GPR108: variants seen among roughly 807,000 people sequenced by gnomAD.
The protein encoded by GPR108 is protein GPR108.
A neutral mutation model predicts 74.3 loss-of-function variants in GPR108; 60 were observed. That is an observed-to-expected ratio of 0.81 (90% CI 0.66 to 1.00). GPR108 has a LOEUF of 1.00. GPR108 is among the 50% of genes least tolerant of loss of function. The pLI is 0.00. For missense variants in GPR108, 667 were observed against 703.3 expected (o/e 0.95, Z 0.58); for synonymous variants, 311 against 292.4 (o/e 1.06, Z -0.65).
At chr19:6,734,863 T>C (rs1968566872) in intron 4 of GPR108, among the ~76,000 whole-genome samples, 1 of 113,088 alleles carries the variant, frequency 8.8e-6, no homozygotes, top group South Asian at 2.3e-4. Flanking sequence ...TTATTATTAT[T>C]ATTATTATTA....
At chr19:6,730,837 C>G in intron 17 of GPR108, 150 bp downstream of exon 17, 3 of 950,024 alleles carry the variant, frequency 3.2e-6, no homozygotes, top group Non-Finnish European at 4.7e-6. Context: ...CCCCCCATCT[C>G]CCCTCCATCC....
chr19:6,733,694 G>A lies in GPR108; in HGVS notation c.619-20C>T. 3 of 1,609,882 alleles carry A rather than the reference G, an allele frequency of 1.9e-6. No individual in the cohort carries two copies. The highest frequency in any genetic ancestry group is 2.6e-6 in the Non-Finnish European group (3 of 1,176,216). ...GTGGAACTGGGCGGGCGGGGAGAGA[G>A]GAGGGCTCAGCCTGGGGGACCCGTG... On this transcript the variant is annotated intron_variant, in intron 7 of 17. Transcript: ENST00000264080.
intron 4 of GPR108, chr19:6,735,328 G>C (rs898496259): frequency 4.2e-5 from 13 of 308,122 alleles, no homozygotes; most frequent in Non-Finnish European, 1.2e-5. Context: ...ATAAGGAATG[G>C]GTGAGTTAGT....
chr19:6,735,818 A>G, intron 3 of GPR108, 90 bp downstream of exon 3: 1 of 1,529,426 alleles, frequency 6.5e-7, no homozygotes, highest in Admixed American at 1.8e-5. Flanking sequence ...TCTGACAAAG[A>G]ACAGGGGCCC....
chr19:6,732,252 T>G lies in GPR108; in HGVS notation c.1125+11A>C. On this transcript the variant is annotated intron_variant, in intron 12 of 17. Coordinates refer to ENST00000264080, the MANE Select transcript of GPR108 (RefSeq NM_001080452.2). ...CTCCCCGCCCTGCTCCGGAGGCTGC[T>G]CCATCCGCACCTGCATGGGGATCAC... 1 of 1,611,716 alleles carries G rather than the reference T, an allele frequency of 6.2e-7. No homozygotes were observed.
At position 6,733,229 on chromosome 19, in the gene GPR108, C is replaced by T; in HGVS notation, c.796G>A (p.Val266Ile). The T allele has an allele frequency of 1.2e-6, 2 of 1,614,010 alleles. No homozygotes were observed. Among genetic ancestry groups the T allele is most frequent in the Non-Finnish European group, 1.7e-6 (2 of 1,180,014 alleles). ...GCGGCCAGGAAGCAGGCGGACATGACCATGTAGAGCTTGAAAAGGGGCATC... is the reference window on the plus strand; with the variant it reads ...GCGGCCAGGAAGCAGGCGGACATGATCATGTAGAGCTTGAAAAGGGGCATC... ...AEMPLFKLYMVMSACFLAAGI... is the reference protein window; with the variant it reads ...AEMPLFKLYMIMSACFLAAGI... The change falls in exon 9 of 18, where the codon GTC (valine) becomes ATC (isoleucine). Residue 266 changes from valine to isoleucine, a missense_variant. Val to Ile is a conservative substitution (Grantham distance 29). Transcript: ENST00000264080.
Position 6,732,306 on chromosome 19 carries a change from G to C in GPR108, c.1082C>G (p.Ser361Trp). ...CCCAAAGACCTTCTTCTCCTTATCC[G>C]ACAGGACGTACTTGATGAAGGCCCA... The part of the protein sequence containing the change: ...SGWAFIKYVL[S>W]DKEKKVFGIV... The change falls in exon 12 of 18, where the codon TCG (serine) becomes TGG (tryptophan). Residue 361 changes from serine (S) to tryptophan (W), a missense_variant. Physicochemically the swap from Ser to Trp is radical, Grantham distance 177 (BLOSUM62 -3). Transcript: ENST00000264080. 1 of 1,613,144 alleles carries C rather than the reference G, an allele frequency of 6.2e-7. No individual in the cohort carries two copies. The highest frequency in any genetic ancestry group is 8.5e-7 in the Non-Finnish European group (1 of 1,180,032).
At chr19:6,731,669 A>G (rs747408025) in intron 14 of GPR108, 147 bp from the exon 15 acceptor site, 10 of 839,940 alleles carry the variant, frequency 1.2e-5, no homozygotes, top group Non-Finnish European at 1.8e-5. Flanking sequence ...GTGGGGCAGA[A>G]AGGCGGAAGG....
rs371883200 is a variant in GPR108 at position 6,732,096 on chromosome 19, G to A, written c.1185C>T (p.Tyr395=). 2.6e-5 allele frequency: 42 copies of A among 1,613,850 alleles called. No homozygotes were observed. Among genetic ancestry groups the A allele is most frequent in the Non-Finnish European group, 3.3e-5 (39 of 1,180,012 alleles). The change falls in exon 13 of 18, where the codon TAC becomes TAT. Residue 395 remains tyrosine (Y), a synonymous_variant. Transcript: ENST00000264080. ...GGAACAAAATCTCCTTCCACAGCAC[G>A]TAGTCGCTGGCGCCTTCCTCGCGGG... The part of the protein sequence containing the change: ...IESREEGASD[Y]VLWKEILFLV...
At position 6,730,328 on chromosome 19, in the gene GPR108, C is replaced by T; in HGVS notation, c.1616G>A (p.Gly539Glu). 2 of 1,613,854 alleles carry T rather than the reference C, an allele frequency of 1.2e-6. No individual in the cohort carries two copies. Among genetic ancestry groups the T allele is most frequent in the Non-Finnish European group, 1.7e-6 (2 of 1,179,860 alleles). The change falls in exon 18 of 18, where the codon GGG (glycine) becomes GAG (glutamate). Residue 539 changes from glycine to glutamate, a missense_variant. By Grantham distance (98) the Gly-to-Glu change is moderately conservative (BLOSUM62 -2). Transcript: ENST00000264080. The stretch of plus-strand genomic sequence containing the variant: ...TGGAGGTGATCATAACAGTTCCCGC[C>T]CGCTGGCTGTTTTGTTGACTTTGGA... Reference protein sequence around the residue: ...GLSKVNKTASGRELL With the variant: ...GLSKVNKTASERELL
intron 12 of GPR108, 50 bp from the exon 13 acceptor site, chr19:6,732,205 G>T: frequency 6.2e-7 from 1 of 1,612,140 alleles, no homozygotes. Flanking sequence ...GCTCCCCTTT[G>T]CCCCCACTGC....
intron 5 of GPR108, 25 bp downstream of exon 5, chr19:6,734,158 C>T (rs578077211): frequency 4.6e-5 from 75 of 1,614,152 alleles, no homozygotes; most frequent in East Asian, 4.0e-4. Context: ...CATCCACCCC[C>T]GTCTGCACAG....
chr19:6,730,621 AC>A lies in GPR108; in HGVS notation c.1560-238del, dbSNP rs977654199. The A allele has an allele frequency of 7.1e-6, 3 of 423,454 alleles. No homozygotes were observed. In the African/African-American group the frequency reaches 8.6e-5, roughly 12 times the overall value. 26.2% of individuals were successfully genotyped at this position (423,454 alleles called of 1,614,324 possible). ...CAGCAGCCCTGGCCCCACCCACTCT[AC>A]CCGTAACCACTCAGGCCCCGCCCAC... On this transcript the variant is annotated intron_variant, in intron 17 of 17. Transcript: ENST00000264080.
chr19:6,735,407 C>CCCTCTG, intron 4 of GPR108: 1 of 544,470 alleles, frequency 1.8e-6, no homozygotes, highest in Non-Finnish European at 3.3e-6. Context: ...CTCACAACAA[C>CCCTCTG]CCTCTGTATC....
chr19:6,732,955 C>T (rs1225724809), intron 10 of GPR108, 32 bp downstream of exon 10: 2 of 1,546,474 alleles, frequency 1.3e-6, no homozygotes, highest in Non-Finnish European at 8.7e-7. Flanking sequence ...TTTCAGCCCA[C>T]CCCCCGCTGC....
At chr19:6,730,911 C>G in intron 17 of GPR108, 76 bp downstream of exon 17, 1 of 1,065,590 alleles carries the variant, frequency 9.4e-7, no homozygotes, top group Non-Finnish European at 1.4e-6. Flanking sequence ...TCCCCCCTGC[C>G]CACCCTGCCC....
chr19:6,734,289 A>G lies in GPR108; in HGVS notation c.393T>C (p.Tyr131=). ...AGATAAACAACGTCTTCTGCTCTCCATACTTCCGCACCTGGACCCTGGGGT... is the reference window on the plus strand; with the variant it reads ...AGATAAACAACGTCTTCTGCTCTCCGTACTTCCGCACCTGGACCCTGGGGT... The part of the protein sequence containing the change: ...TKDLQVQVRK[Y]GEQKTLFIFP... The change falls in exon 5 of 18, where the codon TAT becomes TAC. Residue 131 remains tyrosine, a synonymous_variant. Coordinates refer to ENST00000264080, the MANE Select transcript of GPR108 (RefSeq NM_001080452.2). 3 of 1,613,338 alleles carry G rather than the reference A, an allele frequency of 1.9e-6. No homozygotes were observed. Among genetic ancestry groups the G allele is most frequent in the Non-Finnish European group, 2.5e-6 (3 of 1,179,876 alleles).
At chr19:6,732,440 T>TC (rs776894455) in intron 11 of GPR108, 36 bp downstream of exon 11, 2 of 1,610,572 alleles carry the variant, frequency 1.2e-6, no homozygotes, top group Non-Finnish European at 1.7e-6. Flanking sequence ...CCTGCCTGCC[T>TC]CCCCCCAGCT....
In GPR108 at chr19:6,731,113, T is replaced by TG; in HGVS notation, c.1435-3dup. Reference sequence around the variant, plus strand: ...CAGGGTGGAGCCCTCCACCAAGAGCTGGGGGACGGGGCGGAGTGGGGGCGT... The same window carrying TG: ...CAGGGTGGAGCCCTCCACCAAGAGCTGGGGGGACGGGGCGGAGTGGGGGCGT... On this transcript the variant is annotated splice_polypyrimidine_tract_variant and splice_region_variant and intron_variant, in intron 16 of 17. Transcript: ENST00000264080. The TG allele has an allele frequency of 6.2e-7, 1 of 1,612,612 alleles. No homozygotes were observed. The highest frequency in any genetic ancestry group is 2.2e-5 in the East Asian group (1 of 44,788).
Sources: allele counts gnomAD v4.1 joint callset (sites outside exome capture counted in the v4.1 genomes callset), GRCh38; gene constraint gnomAD v4.1.1; transcripts MANE v1.5; gene names NCBI Gene and HGNC (gene_info 2026-07-23, HGNC 2026-07-21).